GRIK1: variants seen among roughly 807,000 people sequenced by gnomAD.
The protein encoded by GRIK1 is glutamate ionotropic receptor kainate type subunit 1.
GRIK1 carries 69 observed loss-of-function variants against 105.7 expected under a neutral mutation model. The observed-to-expected ratio is 0.65, with a 90% confidence interval of 0.54 to 0.80. GRIK1 has a LOEUF of 0.80. Ranked by LOEUF, GRIK1 falls within the 30% of genes least tolerant of loss-of-function variation. The pLI is 0.00. For synonymous variants in GRIK1, 438 were observed against 431.3 expected, an observed-to-expected ratio of 1.02 and a Z score of -0.19; for missense variants, 1,109 against 1,167.3, an observed-to-expected ratio of 0.95 and a Z score of 0.73.
intron 1 of GRIK1, among the ~76,000 whole-genome samples, chr21:29,919,023 A>C (rs1730567096): frequency 6.6e-6 from 1 of 151,884 alleles, no homozygotes; most frequent in Non-Finnish European, 1.5e-5. Context: ...GCAATGTATC[A>C]ATCCTAGGGG....
chr21:29,810,924 A>T (rs2066993511), intron 1 of GRIK1, among the ~76,000 whole-genome samples: 1 of 152,154 alleles, frequency 6.6e-6, no homozygotes, highest in South Asian at 2.1e-4. Flanking sequence ...ATGAGAACAT[A>T]ACACACCCCC....
chr21:29,626,163 A>G (rs2062125390), intron 7 of GRIK1, among the ~76,000 whole-genome samples: 1 of 152,184 alleles, frequency 6.6e-6, no homozygotes, highest in African/African-American at 2.4e-5. Context: ...AGGTGCCAGC[A>G]TCTGGTGAGG....
In GRIK1 at chr21:29,581,396, C is replaced by T. The variant is rs200606492; in HGVS notation, c.1912+29G>A. The T allele has an allele frequency of 4.0e-5, 50 of 1,237,434 alleles. 1 individual carries two copies. The Admixed American group carries it at 5.5e-4, about 14-fold the overall frequency. 76.7% of individuals were successfully genotyped at this position (1,237,434 alleles called of 1,614,324 possible). A position where few individuals can be genotyped will look rare whatever the true frequency, so the allele number is the denominator to read the frequency against. On this transcript the variant is annotated intron_variant, in intron 13 of 17. Coordinates refer to ENST00000327783, the MANE Select transcript of GRIK1 (RefSeq NM_001330994.2). ...AAGCCTGTCAGCACACTGTGGGATGCGTGTGACAAAGATAGGCAACCGGTG... is the reference window on the plus strand; with the variant it reads ...AAGCCTGTCAGCACACTGTGGGATGTGTGTGACAAAGATAGGCAACCGGTG...
At chr21:29,847,324 AGTG>A (rs1366723953) in intron 1 of GRIK1, among the ~76,000 whole-genome samples, 3 of 152,310 alleles carry the variant, frequency 2.0e-5, no homozygotes, top group African/African-American at 7.2e-5. Flanking sequence ...GGCCAGGAGC[AGTG>A]GCTCATGCCT....
At chr21:29,721,453 C>CG (rs2064319454) in intron 1 of GRIK1, among the ~76,000 whole-genome samples, 1 of 151,508 alleles carries the variant, frequency 6.6e-6, no homozygotes, top group African/African-American at 2.4e-5. Context: ...AGGGCTATAG[C>CG]GGGGAGATCT....
intron 3 of GRIK1, among the ~76,000 whole-genome samples, chr21:29,674,256 T>TACAGA (rs756195466): frequency 0.023 from 3,420 of 146,754 alleles, 119 homozygotes; most frequent in African/African-American, 0.085. Context: ...TTTATTTATG[T>TACAGA]AGCTATTTTT....
intron 3 of GRIK1, among the ~76,000 whole-genome samples, chr21:29,680,990 G>A (rs1471863083): frequency 3.9e-5 from 6 of 152,064 alleles, no homozygotes; most frequent in Admixed American, 6.6e-5. Context: ...AAAATTAGCC[G>A]GGCGTGGTAG....
chr21:29,841,863 C>G (rs1477803129), intron 1 of GRIK1, among the ~76,000 whole-genome samples: 1 of 152,044 alleles, frequency 6.6e-6, no homozygotes, highest in East Asian at 1.9e-4. Context: ...AATCAGTTGC[C>G]TCATCTCAAA....
intron 14 of GRIK1, among the ~76,000 whole-genome samples, chr21:29,566,969 T>G (rs1179722107): frequency 1.3e-5 from 2 of 152,190 alleles, no homozygotes; most frequent in African/African-American, 4.8e-5. Flanking sequence ...TAACAAATTT[T>G]CTAAAGAAAT....
At chr21:29,735,121 A>C (rs1049032739) in intron 1 of GRIK1, among the ~76,000 whole-genome samples, 3 of 152,174 alleles carry the variant, frequency 2.0e-5, no homozygotes, top group African/African-American at 7.2e-5. Flanking sequence ...CCATCTCCCC[A>C]ACAAGAACAT....
chr21:29,538,408 G>C (rs1304510481), intron 16 of GRIK1, among the ~76,000 whole-genome samples: 1 of 152,134 alleles, frequency 6.6e-6, no homozygotes, highest in African/African-American at 2.4e-5. Flanking sequence ...GTTGCCAAAG[G>C]CTGGGAGGAA....
chr21:29,713,552 G>A (rs546604719), intron 1 of GRIK1, among the ~76,000 whole-genome samples: 302 of 152,134 alleles, frequency 2.0e-3, no homozygotes, highest in Non-Finnish European at 3.2e-3. Context: ...TTTTTGAAAT[G>A]GGTAACGGAC....
intron 1 of GRIK1, among the ~76,000 whole-genome samples, chr21:29,781,378 A>G (rs1381532767): frequency 6.6e-6 from 1 of 152,102 alleles, no homozygotes; most frequent in African/African-American, 2.4e-5. Flanking sequence ...GGAGTTAATT[A>G]TATAACTTTC....
At chr21:29,725,767 C>T (rs1199096515) in intron 1 of GRIK1, among the ~76,000 whole-genome samples, 3 of 152,108 alleles carry the variant, frequency 2.0e-5, no homozygotes, top group Non-Finnish European at 4.4e-5. Flanking sequence ...AAACCATAAA[C>T]CAGGAGAACA....
intron 16 of GRIK1, chr21:29,553,166 A>G (rs1019948971): frequency 1.0e-6 from 1 of 965,546 alleles, no homozygotes; most frequent in Non-Finnish European, 1.2e-6. Flanking sequence ...AGGAGGGAAC[A>G]AAGTTCACAA....
At chr21:29,805,917 T>G (rs452101) in intron 1 of GRIK1, among the ~76,000 whole-genome samples, 23,875 of 152,046 alleles carry the variant, frequency 0.16, 1,840 homozygotes, top group Non-Finnish European at 0.16. Context: ...AATCAGCATT[T>G]CTCCACAGGG....
intron 1 of GRIK1, among the ~76,000 whole-genome samples, chr21:29,875,611 C>T (rs937718318): frequency 1.3e-5 from 2 of 152,048 alleles, no homozygotes; most frequent in African/African-American, 2.4e-5. Flanking sequence ...CTCTTTTTTC[C>T]CCCTTCTCTT....
intron 1 of GRIK1, among the ~76,000 whole-genome samples, chr21:29,821,036 A>G (rs2067287817): frequency 6.7e-6 from 1 of 149,868 alleles, no homozygotes; most frequent in Non-Finnish European, 1.5e-5. Flanking sequence ...TGTTAGGAGC[A>G]CCAACCCTCC....
chr21:29,807,534 T>C (rs886566590), intron 1 of GRIK1, among the ~76,000 whole-genome samples: 2 of 152,116 alleles, frequency 1.3e-5, no homozygotes, highest in Non-Finnish European at 2.9e-5. Flanking sequence ...GCCAGTCAAG[T>C]GGCCTGCATA....
Sources: gnomAD v4.1 joint callset for allele counts (sites outside exome capture counted in the v4.1 genomes callset) on GRCh38, gnomAD v4.1.1 for gene constraint, MANE v1.5 for transcripts, NCBI Gene and HGNC (gene_info 2026-07-23, HGNC 2026-07-21) for gene names.